The following CLASP1 variants were observed in gnomAD, a reference collection of about 807,000 sequenced individuals.
CLASP1 encodes cytoplasmic linker associated protein 1, also known as CLIP-associating protein 1.
Under a neutral mutation model 192.3 loss-of-function variants are expected in CLASP1, and 38 were observed. The ratio of observed to expected loss-of-function variants is 0.20; its 90% confidence interval spans 0.15 to 0.26. The LOEUF (loss-of-function observed/expected upper bound fraction) is 0.26, where lower values mean the gene tolerates loss of function less well. CLASP1 is among the 10% of genes least tolerant of loss of function. The pLI is 1.00. For synonymous variants in CLASP1, 691 were observed against 712.8 expected (o/e 0.97, Z 0.49); for missense variants, 1,433 against 1,932.5 (o/e 0.74, Z 4.85).
intron 8 of CLASP1, among the ~76,000 whole-genome samples, chr2:121,486,148 T>C (rs1189037233): frequency 6.6e-6 from 1 of 152,216 alleles, no homozygotes; most frequent in South Asian, 2.1e-4. Context: ...ATAATTATAG[T>C]AATAATGACA....
chr2:121,559,121 A>C (rs1220716374), intron 2 of CLASP1, among the ~76,000 whole-genome samples: 1 of 152,250 alleles, frequency 6.6e-6, no homozygotes, highest in Non-Finnish European at 1.5e-5. Flanking sequence ...ATGTGCAAAC[A>C]ACATGGCTCA....
chr2:121,479,383 A>C (rs964082233), intron 8 of CLASP1, among the ~76,000 whole-genome samples: 5 of 152,246 alleles, frequency 3.3e-5, no homozygotes, highest in Non-Finnish European at 7.3e-5. Context: ...TATATTCTAT[A>C]CATCAAATTA....
intron 2 of CLASP1, among the ~76,000 whole-genome samples, chr2:121,538,237 A>G (rs2095141156): frequency 7.8e-6 from 1 of 127,664 alleles, no homozygotes; most frequent in Admixed American, 8.2e-5. Flanking sequence ...AACATGGAGA[A>G]ACCCCGTCTC....
chr2:121,448,834 A>C (rs1559238057), intron 17 of CLASP1, 119 bp downstream of exon 17: 1 of 981,560 alleles, frequency 1.0e-6, no homozygotes, highest in East Asian at 2.6e-5. Context: ...ATCTACCTCA[A>C]GTAAGGGGGC....
At chr2:121,630,860 C>CAA (rs35476221) in intron 1 of CLASP1, among the ~76,000 whole-genome samples, 99 of 78,460 alleles carry the variant, frequency 1.3e-3, no homozygotes, top group Admixed American at 2.8e-3. Context: ...AACTACGTCT[C>CAA]AAAAAAAAAA....
At chr2:121,353,508 C>T (rs1014913565) in intron 37 of CLASP1, among the ~76,000 whole-genome samples, 1 of 152,190 alleles carries the variant, frequency 6.6e-6, no homozygotes, top group African/African-American at 2.4e-5. Flanking sequence ...TCTCCCTGCC[C>T]ACACCCTGCC....
At chr2:121,383,689 T>C (rs72828992) in intron 32 of CLASP1, among the ~76,000 whole-genome samples, 176 of 152,120 alleles carry the variant, frequency 1.2e-3, no homozygotes, top group Non-Finnish European at 2.1e-3. Flanking sequence ...GACCACCATA[T>C]ACTTTTTTTT....
At chr2:121,528,347 T>C (rs2094635583) in intron 4 of CLASP1, among the ~76,000 whole-genome samples, 1 of 152,178 alleles carries the variant, frequency 6.6e-6, no homozygotes, top group African/African-American at 2.4e-5. Flanking sequence ...CAGCCAGGCC[T>C]CCTGACTCCC....
At chr2:121,628,530 G>A (rs929991158) in intron 1 of CLASP1, among the ~76,000 whole-genome samples, 2 of 151,820 alleles carry the variant, frequency 1.3e-5, no homozygotes, top group Non-Finnish European at 2.9e-5. Context: ...ACAAAAATTA[G>A]CCAGGCATGG....
intron 23 of CLASP1, among the ~76,000 whole-genome samples, chr2:121,417,333 CAAAAT>C (rs1474220527): frequency 2.0e-5 from 3 of 150,530 alleles, no homozygotes; most frequent in African/African-American, 7.4e-5. Flanking sequence ...TTCTAAGAGA[CAAAAT>C]AACCAATAAA....
At chr2:121,357,082 G>A (rs999465151) in intron 37 of CLASP1, among the ~76,000 whole-genome samples, 4 of 152,130 alleles carry the variant, frequency 2.6e-5, no homozygotes, top group African/African-American at 9.7e-5. Flanking sequence ...GCATTTCCTA[G>A]CCTAACGCTG....
At chr2:121,532,927 T>C (rs1479999362) in intron 2 of CLASP1, among the ~76,000 whole-genome samples, 1 of 152,208 alleles carries the variant, frequency 6.6e-6, no homozygotes, top group African/African-American at 2.4e-5. Flanking sequence ...TATTTAGCTT[T>C]TGTCTGGTGA....
chr2:121,474,377 A>G (rs2091298590), intron 8 of CLASP1, among the ~76,000 whole-genome samples: 1 of 152,230 alleles, frequency 6.6e-6, no homozygotes. Context: ...ACAATAGTGT[A>G]TCACAAACCT....
At chr2:121,510,127 G>T (rs2094079175) in intron 7 of CLASP1, among the ~76,000 whole-genome samples, 1 of 149,140 alleles carries the variant, frequency 6.7e-6, no homozygotes, top group African/African-American at 2.5e-5. Flanking sequence ...TAAAACAGAA[G>T]ATCTCAAATC....
rs371526245 is a variant in CLASP1, at chr2:121,601,991, G to A, written c.195+3710C>T. Among the ~76,000 whole-genome samples the A allele has an allele frequency of 6.2e-4, 95 of 152,002 alleles. 2 individuals carry two copies. In the South Asian group the frequency reaches 0.019, roughly 30 times the overall value. On this transcript the variant is annotated intron_variant, in intron 2 of 39. Coordinates refer to ENST00000263710, the Ensembl canonical transcript of CLASP1. ...CGAGTTCGAAACCAGCCTGGCCAAT[G>A]TAGTAAATCCCCATCTCTACTAAAA...
chr2:121,372,319 T>C lies in CLASP1; in HGVS notation c.3643-4488A>G, dbSNP rs936786262. Among the ~76,000 whole-genome samples, 23 of 152,338 alleles carry C rather than the reference T, an allele frequency of 1.5e-4. 1 individual carries two copies. The highest frequency in any genetic ancestry group is 4.8e-4 in the African/African-American group (20 of 41,580). On this transcript the variant is annotated intron_variant, in intron 34 of 39. Coordinates refer to ENST00000263710, the Ensembl canonical transcript of CLASP1. ...CTCCTGGTCTCCCTCCTGTCAGCTC[T>C]AGCTTCTGTCCTTCCCTTAGTGTTG... is the stretch of plus-strand genomic sequence containing the variant.
chr2:121,366,033 C>T (rs2067341817), intron 35 of CLASP1, among the ~76,000 whole-genome samples: 1 of 152,174 alleles, frequency 6.6e-6, no homozygotes, highest in South Asian at 2.1e-4. Context: ...TTAGGAACTA[C>T]TTAAATGTGT....
At chr2:121,562,764 T>C (rs1162222743) in intron 2 of CLASP1, among the ~76,000 whole-genome samples, 1 of 152,240 alleles carries the variant, frequency 6.6e-6, no homozygotes, top group Non-Finnish European at 1.5e-5. Flanking sequence ...CTTTCAATGA[T>C]GTGGCCTGGT....
chr2:121,419,554 A>G (rs2079146992), intron 22 of CLASP1, among the ~76,000 whole-genome samples: 1 of 152,146 alleles, frequency 6.6e-6, no homozygotes, highest in Non-Finnish European at 1.5e-5. Flanking sequence ...ACCTGAGAAC[A>G]GCAAATAACT....
Sources: allele counts gnomAD v4.1 joint callset (sites outside exome capture counted in the v4.1 genomes callset), GRCh38; gene constraint gnomAD v4.1.1; transcripts MANE v1.5; gene names NCBI Gene and HGNC (gene_info 2026-07-23, HGNC 2026-07-21).